DSE: variants seen among roughly 807,000 people sequenced by gnomAD.
DSE encodes dermatan sulfate epimerase.
Under a neutral mutation model 84.4 loss-of-function variants are expected in DSE, and 36 were observed. The observed-to-expected ratio is 0.43, with a 90% confidence interval of 0.33 to 0.56. The LOEUF is 0.56. Ranked by LOEUF, DSE falls within the 20% of genes least tolerant of loss-of-function variation. The pLI, the probability that DSE is intolerant of heterozygous loss-of-function variation, is 0.06. For synonymous variants in DSE, 410 were observed against 430.1 expected (o/e 0.95, Z 0.58); for missense variants, 862 against 1,169.6 (o/e 0.74, Z 3.84).
intron 1 of DSE, among the ~76,000 whole-genome samples, chr6:116,393,093 T>C (rs1212404400): frequency 6.6e-6 from 1 of 152,196 alleles, no homozygotes; most frequent in Non-Finnish European, 1.5e-5. Flanking sequence ...TCCCAGTCGC[T>C]GTTAGATCGG....
rs956128102 is a variant in DSE, at chr6:116,443,931, T to C, written c.*6586T>C. The C allele has an allele frequency of 6.6e-6, 1 of 152,244 alleles. No homozygotes were observed. The highest frequency in any genetic ancestry group is 2.1e-4 in the South Asian group (1 of 4,836). 9.4% of individuals were successfully genotyped at this position (152,244 alleles called of 1,614,324 possible). A position where few individuals can be genotyped will look rare whatever the true frequency, so the allele number is the denominator to read the frequency against. The stretch of plus-strand genomic sequence containing the variant: ...AACATCTTGTCAGTTTTCCTTACTT[T>C]GTACTTTTCAGTCTCTGCTGTTTAC... On this transcript the variant is annotated 3_prime_UTR_variant, in exon 6 of 6. Coordinates refer to ENST00000644252, the MANE Select transcript of DSE (RefSeq NM_013352.4).
At chr6:116,400,903 T>G (rs1781549362) in intron 2 of DSE, 1 of 152,168 alleles carries the variant, frequency 6.6e-6, no homozygotes, top group Non-Finnish European at 1.5e-5. Flanking sequence ...CTGATTGATT[T>G]GTTCAATTAG....
At chr6:116,285,120 C>T (rs767774293) in intron 2 of DSE, among the ~76,000 whole-genome samples, 2 of 152,164 alleles carry the variant, frequency 1.3e-5, no homozygotes, top group Non-Finnish European at 2.9e-5. Context: ...GGTTGAACTA[C>T]TTTAGAGTCC....
intron 1 of DSE, chr6:116,257,085 C>G (rs1306027525): frequency 6.6e-6 from 1 of 152,140 alleles, no homozygotes; most frequent in African/African-American, 2.4e-5. Flanking sequence ...TGTGAAATAT[C>G]CCCTATTGTT....
chr6:116,329,506 G>A (rs1776814360), intron 2 of DSE, among the ~76,000 whole-genome samples: 1 of 152,256 alleles, frequency 6.6e-6, no homozygotes, highest in South Asian at 2.1e-4. Flanking sequence ...AAAAGGATAT[G>A]GGTAGTACTA....
At position 116,438,872 on chromosome 6, in the gene DSE, C is replaced by CA. The variant is rs970467979; in HGVS notation, c.*1529dup. Reference sequence around the variant, plus strand: ...TGAACCTTCTTGCATAAAGAAAACACAAGTTTGACTTTTAACTGTGCTTCA... The same window carrying CA: ...TGAACCTTCTTGCATAAAGAAAACACAAAGTTTGACTTTTAACTGTGCTTCA... On this transcript the variant is annotated 3_prime_UTR_variant, in exon 6 of 6. Transcript: ENST00000644252. The CA allele has an allele frequency of 3.3e-5, 5 of 152,152 alleles. No homozygotes were observed. The highest frequency in any genetic ancestry group is 1.2e-4 in the African/African-American group (5 of 41,430). The allele number at this position is 152,152 out of a possible 1,614,324, so 9.4% of individuals were successfully genotyped here.
upstream of DSE, among the ~76,000 whole-genome samples, chr6:116,365,713 A>G (rs540504878): frequency 6.6e-6 from 1 of 152,328 alleles, no homozygotes; most frequent in Non-Finnish European, 1.5e-5. Context: ...ATTAAATCAG[A>G]ATTTCTAAGA....
chr6:116,441,369 G>T lies in DSE; in HGVS notation c.*4024G>T, dbSNP rs964271814. 1.3e-5 allele frequency: 2 copies of T among 152,072 alleles called. No individual in the cohort carries two copies. The highest frequency in any genetic ancestry group is 2.9e-5 in the Non-Finnish European group (2 of 68,004). 9.4% of individuals were successfully genotyped at this position (152,072 alleles called of 1,614,324 possible). A position where few individuals can be genotyped will look rare whatever the true frequency, so the allele number is the denominator to read the frequency against. On this transcript the variant is annotated 3_prime_UTR_variant, in exon 6 of 6. Coordinates refer to ENST00000644252, the MANE Select transcript of DSE (RefSeq NM_013352.4). ...GAACATACATGATTGAAAAAGTATA[G>T]TACTAGAAGCCTTATTTAAAAAACA...
At chr6:116,255,435 T>C (rs1157292170) in intron 1 of DSE, 1 of 152,238 alleles carries the variant, frequency 6.6e-6, no homozygotes, top group Non-Finnish European at 1.5e-5. Flanking sequence ...GGATTTTTTG[T>C]ATGCCTAGTC....
intron 2 of DSE, among the ~76,000 whole-genome samples, chr6:116,339,901 A>G (rs921732663): frequency 6.6e-6 from 1 of 152,238 alleles, no homozygotes; most frequent in Non-Finnish European, 1.5e-5. Flanking sequence ...AAACCCTATT[A>G]TAAGTTTTGA....
intron 1 of DSE, among the ~76,000 whole-genome samples, chr6:116,379,416 G>C (rs1294039219): frequency 6.6e-6 from 1 of 152,168 alleles, no homozygotes; most frequent in East Asian, 1.9e-4. Flanking sequence ...TCTTAGGTAA[G>C]AATGTCTTTT....
intron 2 of DSE, among the ~76,000 whole-genome samples, chr6:116,344,450 A>G (rs930243310): frequency 2.6e-4 from 40 of 152,382 alleles, no homozygotes; most frequent in African/African-American, 9.6e-4. Flanking sequence ...CAGAAACTCT[A>G]CAAGCCAGAA....
At chr6:116,262,886 G>A (rs1298917086) in intron 2 of DSE, among the ~76,000 whole-genome samples, 1 of 152,152 alleles carries the variant, frequency 6.6e-6, no homozygotes, top group Non-Finnish European at 1.5e-5. Context: ...AGTCATTCAG[G>A]AGCAGGTTAT....
At chr6:116,327,653 T>C (rs1047021199) in intron 2 of DSE, among the ~76,000 whole-genome samples, 3 of 152,212 alleles carry the variant, frequency 2.0e-5, no homozygotes, top group African/African-American at 7.2e-5. Flanking sequence ...AATACTTGAA[T>C]CCAAACTGCT....
In DSE at chr6:116,280,070, C is replaced by T. The variant is rs181097924; in HGVS notation, c.-54+21103C>T. The T allele has an allele frequency of 1.5e-5, 9 of 618,894 alleles. No individual in the cohort carries two copies. In the East Asian group the frequency reaches 1.7e-4, roughly 12 times the overall value. The allele number at this position is 618,894 out of a possible 1,614,324, so 38.3% of individuals were successfully genotyped here. On this transcript the variant is annotated intron_variant, in intron 2 of 3. Coordinates refer to the DSE transcript ENST00000430252. ...ATTTCTGTGAATTTACCCATAGCAA[C>T]AGTAATTTTACCTACGTAAATAAAT...
chr6:116,309,710 C>T (rs1389798756), intron 2 of DSE, among the ~76,000 whole-genome samples: 1 of 152,132 alleles, frequency 6.6e-6, no homozygotes, highest in Non-Finnish European at 1.5e-5. Flanking sequence ...GGCCTTGAAC[C>T]GCAAGATGGT....
intron 2 of DSE, among the ~76,000 whole-genome samples, chr6:116,299,668 T>A (rs989971599): frequency 4.0e-5 from 6 of 151,014 alleles, no homozygotes; most frequent in Non-Finnish European, 7.4e-5. Context: ...ATGATGGACA[T>A]TCCTCTGCAC....
intron 2 of DSE, chr6:116,279,972 G>A: frequency 4.1e-6 from 5 of 1,222,654 alleles, no homozygotes; most frequent in Non-Finnish European, 6.0e-6. Flanking sequence ...AGATCTCACG[G>A]TATCGCGAGA....
intron 2 of DSE, among the ~76,000 whole-genome samples, chr6:116,315,456 T>C (rs1378715203): frequency 6.6e-6 from 1 of 152,150 alleles, no homozygotes; most frequent in African/African-American, 2.4e-5. Flanking sequence ...AGGGTATACC[T>C]CTAAAACAGA....
Sources: allele counts gnomAD v4.1 joint callset (sites outside exome capture counted in the v4.1 genomes callset), GRCh38; gene constraint gnomAD v4.1.1; transcripts MANE v1.5; gene names NCBI Gene and HGNC (gene_info 2026-07-23, HGNC 2026-07-21).